VPS13C: variants seen among roughly 807,000 people sequenced by gnomAD.
VPS13C encodes the protein vacuolar protein sorting 13 homolog C.
VPS13C carries 358 observed loss-of-function variants against 456.8 expected under a neutral mutation model. The observed-to-expected ratio is 0.78, with a 90% confidence interval of 0.72 to 0.86. VPS13C has a LOEUF of 0.86. Among genes scored for constraint, VPS13C ranks in the 40% least tolerant of loss-of-function variants. The pLI is 0.00. For missense variants in VPS13C, 4,818 were observed against 4,385.4 expected (o/e 1.10, Z -2.79); for synonymous variants, 1,578 against 1,486.7 (o/e 1.06, Z -1.41).
chr15:61,922,292 C>A (rs1304396870), intron 54 of VPS13C, 105 bp downstream of exon 54: 3 of 1,362,718 alleles, frequency 2.2e-6, no homozygotes, highest in Non-Finnish European at 3.0e-6. Context: ...TATCTATTCA[C>A]ATATGTACTC....
At chr15:62,043,680 C>T (rs2048311685) in intron 2 of VPS13C, among the ~76,000 whole-genome samples, 1 of 152,130 alleles carries the variant, frequency 6.6e-6, no homozygotes, top group African/African-American at 2.4e-5. Flanking sequence ...CATTAAGTGA[C>T]TTCATAAACT....
In VPS13C at chr15:61,918,160, A is replaced by C. The variant is rs1409497701; in HGVS notation, c.7736T>G (p.Phe2579Cys). Reference sequence around the variant, plus strand: ...CCTATATGAATCTAAAGGAACATGGAACTCCTCTTCAGGTCTGGCTATCCC... The same window carrying C: ...CCTATATGAATCTAAAGGAACATGGCACTCCTCTTCAGGTCTGGCTATCCC... ...RIGIARPEEE[F>C]HVPLDSYRCQ... The change falls in exon 59 of 85, where the codon TTC becomes TGC. Residue 2579 changes from phenylalanine (F) to cysteine (C), a missense_variant. Physicochemically the swap from Phe to Cys is radical, Grantham distance 205. Coordinates refer to ENST00000644861, the MANE Select transcript of VPS13C (RefSeq NM_020821.3). The C allele has an allele frequency of 1.1e-5, 18 of 1,597,396 alleles. No individual in the cohort carries two copies. In the East Asian group the frequency reaches 4.1e-4, roughly 36 times the overall value.
intron 22 of VPS13C, among the ~76,000 whole-genome samples, chr15:61,979,893 T>C (rs747910893): frequency 4.6e-5 from 7 of 151,690 alleles, no homozygotes; most frequent in African/African-American, 7.3e-5. Context: ...TAATAAGAGA[T>C]GAAATATGGG....
At chr15:61,931,310 A>G (rs1335436610) in intron 49 of VPS13C, 51 bp from the exon 50 acceptor site, 1 of 1,483,058 alleles carries the variant, frequency 6.7e-7, no homozygotes, top group Non-Finnish European at 9.0e-7. Context: ...AATATTATAT[A>G]ATTACTTTTA....
At position 61,977,148 on chromosome 15, in the gene VPS13C, A is replaced by C. The variant is rs1162710206; in HGVS notation, c.2342T>G (p.Leu781Trp). 2 of 1,598,474 alleles carry C rather than the reference A, an allele frequency of 1.3e-6. No homozygotes were observed. The highest frequency in any genetic ancestry group is 1.1e-5 in the South Asian group (1 of 88,134). Residue 781 changes from leucine to tryptophan, a missense_variant, in exon 24 of 85, where the codon TTG becomes TGG. Physicochemically the swap from Leu to Trp is moderately conservative, Grantham distance 61 (BLOSUM62 -2). Around this residue, in one of 3 missense-constraint regions of VPS13C, gnomAD observed 4,552 missense variants for 4,130.6 expected, o/e 1.10. Coordinates refer to ENST00000644861, the MANE Select transcript of VPS13C (RefSeq NM_020821.3). ...CTCAACATGAATATCCATGGGTTGC[A>C]ATATATGCATAGTTGATGGATGCTG... ...RFQHPSTMHI[L>W]QPMDIHVELA...
chr15:61,890,804 T>C (rs1200573437), intron 66 of VPS13C, among the ~76,000 whole-genome samples: 4 of 152,130 alleles, frequency 2.6e-5, no homozygotes, highest in African/African-American at 4.8e-5. Flanking sequence ...CCCAGCACTT[T>C]TGGAGGCTGA....
At position 61,882,668 on chromosome 15, in the gene VPS13C, TAA is replaced by T; in HGVS notation, c.9550_9551del (p.Leu3184IlefsTer6). The T allele has an allele frequency of 6.2e-7, 1 of 1,601,076 alleles. No homozygotes were observed. Among genetic ancestry groups the T allele is most frequent in the East Asian group, 2.3e-5 (1 of 44,340 alleles). On this transcript the variant is annotated frameshift_variant, in exon 69 of 85. Transcript: ENST00000644861. LOFTEE classifies it high-confidence loss of function. ...PIRSPIKRDFLSGIQIEFKQS... is the reference protein window; with the variant it reads ...PIRSPIKRDFXSGIQIEFKQS... ...GCTTAAATTCAATCTGAATTCCTGA[TAA>T]AAAGTCTCGTTTAATAGGGCTACGA...
intron 1 of VPS13C, among the ~76,000 whole-genome samples, chr15:62,056,049 C>T (rs2048785243): frequency 6.6e-6 from 1 of 152,110 alleles, no homozygotes; most frequent in African/African-American, 2.4e-5. Context: ...AAGTCACCTC[C>T]CACTGAAAAT....
rs1172640620 is a variant in VPS13C, at chr15:61,910,240, T to C, written c.8781A>G (p.Gly2927=). The C allele has an allele frequency of 3.9e-6, 6 of 1,524,608 alleles. No homozygotes were observed. The highest frequency in any genetic ancestry group is 1.9e-5 in the Admixed American group (1 of 53,898). The allele number at this position is 1,524,608 out of a possible 1,614,324, so 94.4% of individuals were successfully genotyped here. The part of the protein sequence containing the change: ...KLCVRVVGCE[G]SSKPFFYNRQ... ...GGTTATAAAAGAATGGTTTGGAAGA[T>C]CCTTCACAGCCCACCACTCTCACAC... Residue 2927 remains glycine (G), a synonymous_variant, in exon 64 of 85, where the codon GGA becomes GGG. Transcript: ENST00000644861.
At chr15:61,871,914 C>A in intron 79 of VPS13C, 75 bp downstream of exon 79, 1 of 1,287,758 alleles carries the variant, frequency 7.8e-7, no homozygotes, top group Non-Finnish European at 1.1e-6. Context: ...TATATAGCAG[C>A]AATAACATCT....
rs1894694143 is a variant in VPS13C at position 61,867,767 on chromosome 15, T to C, written c.10863+892A>G. 1 of 1,481,884 alleles carries C rather than the reference T, an allele frequency of 6.7e-7. No homozygotes were observed. Among genetic ancestry groups the C allele is most frequent in the African/African-American group, 1.4e-5 (1 of 69,376 alleles). 91.8% of individuals were successfully genotyped at this position (1,481,884 alleles called of 1,614,324 possible). A position where few individuals can be genotyped will look rare whatever the true frequency, so the allele number is the denominator to read the frequency against. On this transcript the variant is annotated intron_variant, in intron 81 of 84. Transcript: ENST00000644861. The surrounding 1 kb of genome is among the most constrained non-coding windows in gnomAD (Gnocchi z 5.0). ...TTACCAGGAATACCACAAGTTTTTA[T>C]TTGTAGTCAATCCCACTACTATGAA...
chr15:61,869,607 T>A lies in VPS13C; in HGVS notation c.10641A>T (p.Gly3547=). 2.5e-6 allele frequency: 4 copies of A among 1,614,092 alleles called. No homozygotes were observed. Among genetic ancestry groups the A allele is most frequent in the Non-Finnish European group, 3.4e-6 (4 of 1,179,992 alleles). ...CAATTCCTTTAAAGAATCCAGCAGC[T>A]CCTTCCTTTTTGGCACCTTCAGAAA... ...TKPVEGAKKE[G]AAGFFKGIGK... The change falls in exon 80 of 85, where the codon GGA becomes GGT. Residue 3547 remains glycine, a synonymous_variant. Coordinates refer to ENST00000644861, the MANE Select transcript of VPS13C (RefSeq NM_020821.3).
At chr15:62,047,778 A>C (rs2048466968) in intron 1 of VPS13C, among the ~76,000 whole-genome samples, 1 of 152,232 alleles carries the variant, frequency 6.6e-6, no homozygotes, top group African/African-American at 2.4e-5. Flanking sequence ...ATAAATATGC[A>C]GCAGTGTCAT....
intron 6 of VPS13C, among the ~76,000 whole-genome samples, chr15:62,027,812 A>T (rs1431904962): frequency 6.6e-6 from 1 of 152,108 alleles, no homozygotes; most frequent in Non-Finnish European, 1.5e-5. Context: ...GTAAGACTTT[A>T]ATTTGCCTTT....
rs541226007 is a variant in VPS13C, at chr15:61,950,679, C to A, written c.4537-262G>T. On this transcript the variant is annotated intron_variant, in intron 40 of 84. Coordinates refer to ENST00000644861, the MANE Select transcript of VPS13C (RefSeq NM_020821.3). The stretch of plus-strand genomic sequence containing the variant: ...GTATATCTAGATTAGGTACACTAAT[C>A]TAAAAAGTAGGAAAAAGTGCTAGAT... Among the ~76,000 whole-genome samples, 4 of 151,886 alleles carry A rather than the reference C, an allele frequency of 2.6e-5. No homozygotes were observed. The South Asian group carries it at 8.3e-4, about 31-fold the overall frequency.
chr15:62,044,645 T>A (rs1434913246), intron 1 of VPS13C, among the ~76,000 whole-genome samples: 1 of 152,174 alleles, frequency 6.6e-6, no homozygotes, highest in African/African-American at 2.4e-5. Context: ...CTGGGTTCTT[T>A]AATTACGTTA....
intron 68 of VPS13C, among the ~76,000 whole-genome samples, chr15:61,882,976 GC>G (rs1214279898): frequency 6.6e-6 from 1 of 151,854 alleles, no homozygotes; most frequent in Non-Finnish European, 1.5e-5. Context: ...TTAAAAACAT[GC>G]TTTATGTAAA....
chr15:61,979,422 C>G (rs558467311), intron 22 of VPS13C, among the ~76,000 whole-genome samples: 3 of 152,114 alleles, frequency 2.0e-5, no homozygotes, highest in Non-Finnish European at 4.4e-5. Context: ...AACATGAATT[C>G]TGCTAAAATT....
intron 25 of VPS13C, 28 bp from the exon 26 acceptor site, chr15:61,973,560 AAAAAGGATGAC>A: frequency 6.5e-7 from 1 of 1,546,430 alleles, no homozygotes; most frequent in Non-Finnish European, 8.9e-7. Context: ...AAGTTTTCTT[AAAAAGGATGAC>A]TTAGCAGGAT....
Sources: gnomAD v4.1 joint callset for allele counts (sites outside exome capture counted in the v4.1 genomes callset) on GRCh38, gnomAD v4.1.1 for gene constraint, gnomAD v4.1.1 regional missense constraint, Gnocchi (gnomAD v3.1) non-coding constraint, MANE v1.5 for transcripts, NCBI Gene and HGNC (gene_info 2026-07-23, HGNC 2026-07-21) for gene names.